Variants in SCEL observed in about 807,000 individuals in gnomAD.
SCEL encodes the protein sciellin.
SCEL carries 113 observed loss-of-function variants against 117.6 expected under a neutral mutation model. The observed-to-expected ratio is 0.96, with a 90% CI of 0.83 to 1.12. SCEL has a LOEUF of 1.12. SCEL is among the 50% of genes most tolerant of loss of function. The pLI, the probability that SCEL is intolerant of heterozygous loss-of-function variation, is 0.00. For missense variants in SCEL, 785 were observed against 810.8 expected (o/e 0.97, Z 0.39); for synonymous variants, 270 against 256.2 (o/e 1.05, Z -0.51).
chr13:77,627,113 G>C (rs1228204471), intron 27 of SCEL, among the ~76,000 whole-genome samples: 1 of 152,132 alleles, frequency 6.6e-6, no homozygotes, highest in Non-Finnish European at 1.5e-5. Flanking sequence ...TTCAAATTTT[G>C]TGTTGATTTC....
intron 8 of SCEL, 71 bp downstream of exon 8, chr13:77,569,522 C>CT (rs368169585): frequency 8.3e-7 from 1 of 1,201,512 alleles, no homozygotes; most frequent in Non-Finnish European, 1.2e-6. Context: ...GCTTCCTCCT[C>CT]TTTTTTGTGG....
intron 1 of SCEL, among the ~76,000 whole-genome samples, chr13:77,551,701 A>T (rs916626396): frequency 1.3e-5 from 2 of 151,636 alleles, no homozygotes; most frequent in Non-Finnish European, 2.9e-5. Flanking sequence ...TGTTTGTTTT[A>T]TTATTATTAT....
chr13:77,560,178 C>T (rs892301928), intron 4 of SCEL, among the ~76,000 whole-genome samples: 1 of 151,886 alleles, frequency 6.6e-6, no homozygotes, highest in Admixed American at 6.6e-5. Context: ...TACCTGTAAT[C>T]CCAACACTTT....
At chr13:77,603,814 T>C (rs2087905889) in intron 18 of SCEL, among the ~76,000 whole-genome samples, 1 of 152,182 alleles carries the variant, frequency 6.6e-6, no homozygotes, top group Admixed American at 6.5e-5. Context: ...CTGAAGGAAA[T>C]GATATTTAAA....
Position 77,610,561 on chromosome 13 carries a change from G to A in SCEL, c.1337+455G>A, listed in dbSNP as rs542674320. On this transcript the variant is annotated intron_variant, in intron 22 of 32. Transcript: ENST00000349847. Reference sequence around the variant, plus strand: ...GAAATCTAGTGTTCAAGCACTTACCGAAGGCTCTCTGGCCACAGGAGAGAG... The same window carrying A: ...GAAATCTAGTGTTCAAGCACTTACCAAAGGCTCTCTGGCCACAGGAGAGAG... 4.8e-4 allele frequency among the ~76,000 whole-genome samples: 73 copies of A among 151,990 alleles called. 1 individual carries two copies. The South Asian group carries it at 7.3e-3, about 15-fold the overall frequency.
intron 14 of SCEL, 147 bp downstream of exon 14, chr13:77,599,535 T>C: frequency 1.2e-6 from 1 of 860,890 alleles, no homozygotes; most frequent in South Asian, 1.5e-5. Flanking sequence ...TACATTTAGT[T>C]CAGACATAAT....
At chr13:77,604,681 T>C (rs928100556) in intron 19 of SCEL, among the ~76,000 whole-genome samples, 5 of 152,216 alleles carry the variant, frequency 3.3e-5, no homozygotes, top group African/African-American at 1.2e-4. Context: ...AACTAAATGA[T>C]TTATTTCTTT....
intron 24 of SCEL, among the ~76,000 whole-genome samples, chr13:77,615,442 GT>G (rs2088951286): frequency 6.6e-6 from 1 of 152,032 alleles, no homozygotes; most frequent in Non-Finnish European, 1.5e-5. Context: ...GCCAGGACGT[GT>G]TTTTTACTGT....
rs1385995266 is a variant in SCEL, at chr13:77,642,721, C to G, written c.1963C>G (p.Gln655Glu). The G allele has an allele frequency of 6.3e-7, 1 of 1,592,804 alleles. No individual in the cohort carries two copies. Among genetic ancestry groups the G allele is most frequent in the Non-Finnish European group, 8.6e-7 (1 of 1,167,702 alleles). The change falls in exon 32 of 33, where the codon CAG (glutamine) becomes GAG (glutamate). Residue 655 changes from glutamine (Q) to glutamate (E), a missense_variant. Transcript: ENST00000349847. ...TTTTCTTTAGTGTGAAATATGCAAG[C>G]AGCCTTTGGAAAATCTACAAGCGGG... ...STCFKCEICKQPLENLQAGDS... is the reference protein window; with the variant it reads ...STCFKCEICKEPLENLQAGDS...
rs2089833448 is a variant in SCEL, at chr13:77,627,995, A to C, written c.1677A>C (p.Glu559Asp). The part of the protein sequence containing the change: ...NLIEVNSHVS[E>D]NKNGSSNTGA... ...TTGAAGTAAATTCTCATGTGTCTGA[A>C]AACAAGAATGGAAGGTAAAGCTTAT... The change falls in exon 28 of 33, where the codon GAA becomes GAC. Residue 559 changes from glutamate (E) to aspartate (D), a missense_variant. Coordinates refer to ENST00000349847, the MANE Select transcript of SCEL (RefSeq NM_144777.3). The C allele has an allele frequency of 6.0e-6, 9 of 1,506,222 alleles. No individual in the cohort carries two copies. Among genetic ancestry groups the C allele is most frequent in the Non-Finnish European group, 8.1e-6 (9 of 1,110,786 alleles). 93.3% of individuals were successfully genotyped at this position (1,506,222 alleles called of 1,614,324 possible).
intron 27 of SCEL, chr13:77,623,477 A>G (rs868660591): frequency 6.6e-6 from 1 of 152,168 alleles, no homozygotes; most frequent in South Asian, 2.1e-4. Context: ...CCTTAAATAA[A>G]TAAATAAATA....
chr13:77,629,558 A>G (rs917556876), intron 28 of SCEL, among the ~76,000 whole-genome samples: 4 of 152,212 alleles, frequency 2.6e-5, no homozygotes, highest in Non-Finnish European at 5.9e-5. Context: ...CCAAGCAAAT[A>G]CATGTTTTCT....
At chr13:77,537,601 C>T (rs1376590823) in intron 1 of SCEL, among the ~76,000 whole-genome samples, 2 of 152,072 alleles carry the variant, frequency 1.3e-5, no homozygotes. Flanking sequence ...GCCAGTAGCC[C>T]CTCAGCAGGG....
chr13:77,572,203 G>A lies in SCEL; in HGVS notation c.545+14G>A, dbSNP rs1454807091. On this transcript the variant is annotated intron_variant, in intron 9 of 32. Coordinates refer to ENST00000349847, the MANE Select transcript of SCEL (RefSeq NM_144777.3). ...AACCAGGAGACGGTAAGGGAAAGGT[G>A]TCAGGCGTAATTGCTGTGCCATTAG... 6.3e-7 allele frequency: 1 copy of A among 1,594,696 alleles called. No individual in the cohort carries two copies.
At chr13:77,563,489 A>T (rs1372696743) in intron 4 of SCEL, among the ~76,000 whole-genome samples, 1 of 152,234 alleles carries the variant, frequency 6.6e-6, no homozygotes, top group Non-Finnish European at 1.5e-5. Context: ...AATAAACAAC[A>T]TTGACAAGAG....
At chr13:77,618,106 A>C (rs200070049) in intron 27 of SCEL, 46 bp downstream of exon 27, 3 of 1,474,296 alleles carry the variant, frequency 2.0e-6, no homozygotes, top group Non-Finnish European at 2.9e-6. Context: ...TTTCTAGGGT[A>C]GGAACTTCTC....
intron 9 of SCEL, among the ~76,000 whole-genome samples, chr13:77,579,155 C>T (rs1010586253): frequency 6.6e-6 from 1 of 152,134 alleles, no homozygotes; most frequent in Non-Finnish European, 1.5e-5. Context: ...ATTTTACTTC[C>T]TCCCGAAAGC....
intron 13 of SCEL, 148 bp downstream of exon 13, chr13:77,597,737 C>A (rs1455156247): frequency 4.2e-6 from 2 of 475,968 alleles, no homozygotes; most frequent in Admixed American, 4.5e-5. Context: ...CAATCATCAT[C>A]ATTTCATTGT....
At chr13:77,620,594 C>CAAAT in intron 27 of SCEL, among the ~76,000 whole-genome samples, 1 of 152,248 alleles carries the variant, frequency 6.6e-6, no homozygotes, top group African/African-American at 2.4e-5. Flanking sequence ...TTCATTTATT[C>CAAAT]AGTAAGAATT....
Sources: gnomAD v4.1 joint callset for allele counts (sites outside exome capture counted in the v4.1 genomes callset) on GRCh38, gnomAD v4.1.1 for gene constraint, MANE v1.5 for transcripts, NCBI Gene and HGNC (gene_info 2026-07-23, HGNC 2026-07-21) for gene names.